ESRRG: variants seen among roughly 807,000 people sequenced by gnomAD.
ESRRG encodes estrogen related receptor gamma.
Under a neutral mutation model 44.0 loss-of-function variants are expected in ESRRG, and 13 were observed. The ratio of observed to expected loss-of-function variants is 0.30; its 90% CI spans 0.19 to 0.47. The LOEUF (loss-of-function observed/expected upper bound fraction) is 0.47. Among genes scored for constraint, ESRRG ranks in the 20% least tolerant of loss-of-function variants. ESRRG has a pLI of 1.00. For missense variants in ESRRG, 395 were observed against 580.6 expected (o/e 0.68, Z 3.29); for synonymous variants, 215 against 214.6 (o/e 1.00, Z -0.02).
At chr1:216,777,572 C>G (rs1228378998) in intron 2 of ESRRG, among the ~76,000 whole-genome samples, 3 of 152,124 alleles carry the variant, frequency 2.0e-5, no homozygotes, top group African/African-American at 7.2e-5. Flanking sequence ...AGACTTAAAT[C>G]TAAGTCTGAG....
intron 2 of ESRRG, among the ~76,000 whole-genome samples, chr1:216,833,362 T>C (rs938848364): frequency 6.6e-6 from 1 of 152,222 alleles, no homozygotes; most frequent in Non-Finnish European, 1.5e-5. Context: ...ATCCACAGCA[T>C]TTGATATCCA....
intron 2 of ESRRG, among the ~76,000 whole-genome samples, chr1:216,911,168 C>T (rs991434233): frequency 6.6e-6 from 1 of 152,138 alleles, no homozygotes; most frequent in African/African-American, 2.4e-5. Flanking sequence ...CAAAAACTTG[C>T]TCACAGATGT....
intron 2 of ESRRG, among the ~76,000 whole-genome samples, chr1:216,844,029 T>C (rs146505255): frequency 6.6e-6 from 1 of 152,214 alleles, no homozygotes; most frequent in African/African-American, 2.4e-5. Flanking sequence ...TATCTTAATA[T>C]GCAGCACTTA....
intron 4 of ESRRG, 63 bp from the exon 5 acceptor site, chr1:216,564,443 T>C (rs767016259): frequency 3.0e-6 from 4 of 1,313,968 alleles, no homozygotes; most frequent in Non-Finnish European, 4.1e-6. Context: ...TTATAAACCC[T>C]AGAGCATTTT....
In ESRRG at chr1:216,866,498, T is replaced by C. The variant is rs543367584; in HGVS notation, c.-14+73084A>G. Among the ~76,000 whole-genome samples the C allele has an allele frequency of 1.2e-4, 18 of 152,266 alleles. No individual in the cohort carries two copies. The South Asian group carries it at 3.7e-3, about 32-fold the overall frequency. The stretch of plus-strand genomic sequence containing the variant: ...ACAACCATATTAAAATCATATATAC[T>C]AGCTCTCCAATGTAGCAGAAATATC... On this transcript the variant is annotated intron_variant, in intron 2 of 7. Coordinates refer to the ESRRG transcript ENST00000359162.
intron 2 of ESRRG, among the ~76,000 whole-genome samples, chr1:216,826,304 G>A (rs548107426): frequency 3.9e-5 from 6 of 151,986 alleles, no homozygotes; most frequent in East Asian, 1.9e-4. Flanking sequence ...TATCTGAACC[G>A]GTAAATAAAT....
intron 1 of ESRRG, among the ~76,000 whole-genome samples, chr1:217,112,043 C>T (rs61477770): frequency 0.17 from 25,519 of 151,990 alleles, 2,488 homozygotes; most frequent in African/African-American, 0.26. Context: ...TCCAAGATAA[C>T]GGCCAGCCCT....
intron 1 of ESRRG, among the ~76,000 whole-genome samples, chr1:217,046,076 T>C (rs1483160555): frequency 2.0e-5 from 3 of 151,714 alleles, no homozygotes; most frequent in Non-Finnish European, 4.4e-5. Context: ...TCCGTGCAGC[T>C]CACTGTGACC....
At chr1:216,998,334 C>G (rs889064041) in intron 1 of ESRRG, among the ~76,000 whole-genome samples, 3 of 152,164 alleles carry the variant, frequency 2.0e-5, no homozygotes, top group African/African-American at 7.2e-5. Flanking sequence ...ACAAAAGAAA[C>G]TAAAAATGAA....
At chr1:216,932,400 T>C (rs1338377082) in intron 2 of ESRRG, among the ~76,000 whole-genome samples, 3 of 152,140 alleles carry the variant, frequency 2.0e-5, no homozygotes, top group African/African-American at 7.2e-5. Flanking sequence ...GTAAAAGATC[T>C]TCAGCTTCAT....
chr1:217,115,962 T>C (rs980428370), intron 1 of ESRRG, among the ~76,000 whole-genome samples: 1 of 152,190 alleles, frequency 6.6e-6, no homozygotes, highest in Non-Finnish European at 1.5e-5. Context: ...AATAAATTCA[T>C]GAGTGAGTTT....
intron 2 of ESRRG, among the ~76,000 whole-genome samples, chr1:216,675,296 G>T (rs1487768174): frequency 4.4e-4 from 67 of 151,922 alleles, no homozygotes; most frequent in Non-Finnish European, 2.9e-5. Flanking sequence ...GGAGATGTAG[G>T]TTGCAGTGAG....
chr1:216,961,561 AT>A (rs35113256), intron 1 of ESRRG, among the ~76,000 whole-genome samples: 54,702 of 131,686 alleles, frequency 0.42, 10,885 homozygotes, highest in Non-Finnish European at 0.53. Context: ...ATTTACTCTT[AT>A]TTTTTTTTTT....
At chr1:217,041,016 A>C (rs886862949) in intron 1 of ESRRG, among the ~76,000 whole-genome samples, 2 of 152,170 alleles carry the variant, frequency 1.3e-5, no homozygotes, top group Non-Finnish European at 2.9e-5. Flanking sequence ...CCTTTTTTAC[A>C]TTGGGAACCC....
At chr1:217,020,223 C>T (rs1405898842) in intron 1 of ESRRG, among the ~76,000 whole-genome samples, 2 of 151,996 alleles carry the variant, frequency 1.3e-5, no homozygotes, top group African/African-American at 2.4e-5. Context: ...TAAGGAGAGC[C>T]GATATCACAG....
intron 1 of ESRRG, among the ~76,000 whole-genome samples, chr1:216,965,559 G>A (rs1408735141): frequency 1.3e-5 from 2 of 152,100 alleles, no homozygotes; most frequent in Non-Finnish European, 2.9e-5. Flanking sequence ...TAGAGCCTAT[G>A]CCCGTCTTCT....
intron 1 of ESRRG, among the ~76,000 whole-genome samples, chr1:216,953,911 T>C (rs962529653): frequency 6.6e-6 from 1 of 151,964 alleles, no homozygotes; most frequent in African/African-American, 2.4e-5. Context: ...TATATCAATT[T>C]GGGGGGCAAT....
chr1:216,644,431 T>TC (rs2067095020), intron 3 of ESRRG, among the ~76,000 whole-genome samples: 2 of 145,910 alleles, frequency 1.4e-5, no homozygotes, highest in African/African-American at 2.6e-5. Context: ...TTCTTTCTTT[T>TC]TTTTTTTTTT....
At chr1:216,983,523 AT>A (rs1053850973) in intron 1 of ESRRG, among the ~76,000 whole-genome samples, 22 of 152,100 alleles carry the variant, frequency 1.4e-4, no homozygotes, top group African/African-American at 4.1e-4. Flanking sequence ...TGATGTACTG[AT>A]TTTTTTGGTG....
Sources: allele counts gnomAD v4.1 joint callset (sites outside exome capture counted in the v4.1 genomes callset), GRCh38; gene constraint gnomAD v4.1.1; transcripts MANE v1.5; gene names NCBI Gene and HGNC (gene_info 2026-07-23, HGNC 2026-07-21).